PDE11A: variants seen among roughly 807,000 people sequenced by gnomAD.
PDE11A encodes phosphodiesterase 11A.
Under a neutral mutation model 100.5 loss-of-function variants are expected in PDE11A, and 100 were observed. The observed-to-expected ratio is 1.00, with a 90% CI of 0.85 to 1.18. PDE11A has a LOEUF of 1.18. Ranked by LOEUF, PDE11A falls within the 50% of genes most tolerant of loss-of-function variation. The probability of loss-of-function intolerance (pLI) is 0.00; values close to 1 mark genes in which losing one functional copy is unlikely to be tolerated. For synonymous variants in PDE11A, 381 were observed against 420.8 expected (o/e 0.91, Z 1.16); for missense variants, 1,141 against 1,152.6 (o/e 0.99, Z 0.15).
intron 2 of PDE11A, among the ~76,000 whole-genome samples, chr2:178,085,163 C>G (rs1407582045): frequency 6.6e-6 from 1 of 152,108 alleles, no homozygotes; most frequent in Non-Finnish European, 1.5e-5. Flanking sequence ...TATAGCAAGT[C>G]AACATACAGA....
chr2:177,875,337 T>G (rs1379667126), intron 5 of PDE11A, among the ~76,000 whole-genome samples: 7 of 152,126 alleles, frequency 4.6e-5, no homozygotes, highest in Non-Finnish European at 1.5e-5. Context: ...AAAAACTGAT[T>G]GCAAGCTAGA....
chr2:177,992,389 A>G (rs1049452848), intron 2 of PDE11A, among the ~76,000 whole-genome samples: 1 of 145,290 alleles, frequency 6.9e-6, no homozygotes, highest in Non-Finnish European at 1.5e-5. Flanking sequence ...TTTAACTGTC[A>G]AAACGCCTGC....
intron 9 of PDE11A, among the ~76,000 whole-genome samples, chr2:177,789,620 G>A (rs547198530): frequency 7.9e-5 from 12 of 152,118 alleles, no homozygotes; most frequent in African/African-American, 2.9e-4. Context: ...CAGATGACAT[G>A]ATTGTATATC....
chr2:177,998,106 G>A, intron 2 of PDE11A: 1 of 1,296,874 alleles, frequency 7.7e-7, no homozygotes, highest in Non-Finnish European at 1.1e-6. Flanking sequence ...TCTGTTCTAG[G>A]TCGGCCTGTT....
intron 5 of PDE11A, among the ~76,000 whole-genome samples, chr2:177,872,324 A>G: frequency 6.6e-6 from 1 of 152,228 alleles, no homozygotes; most frequent in South Asian, 2.1e-4. Flanking sequence ...CTATCATGAC[A>G]TAGTGAGAAT....
chr2:178,088,222 G>A (rs1285716889), intron 2 of PDE11A, among the ~76,000 whole-genome samples: 1 of 152,120 alleles, frequency 6.6e-6, no homozygotes, highest in Non-Finnish European at 1.5e-5. Context: ...TGATCACAAA[G>A]TGAAAAATGC....
At chr2:177,708,650 T>A (rs536910245) in intron 13 of PDE11A, among the ~76,000 whole-genome samples, 1 of 152,158 alleles carries the variant, frequency 6.6e-6, no homozygotes, top group Admixed American at 6.5e-5. Flanking sequence ...AAACAAGCAA[T>A]GTTTTATAAT....
chr2:177,656,444 A>G (rs2080385142), intron 19 of PDE11A, among the ~76,000 whole-genome samples: 1 of 152,064 alleles, frequency 6.6e-6, no homozygotes, highest in South Asian at 2.1e-4. Context: ...CGAAATTGTC[A>G]AAGATGCATT....
At chr2:177,977,977 A>G (rs1461155849) in intron 2 of PDE11A, among the ~76,000 whole-genome samples, 3 of 21,552 alleles carry the variant, frequency 1.4e-4, no homozygotes, top group Admixed American at 5.4e-4. Flanking sequence ...AAACCCTAGA[A>G]GAAAACCTAG....
rs375236537 is a variant in PDE11A, at chr2:177,637,086, T to C, written c.2647-7524A>G. Among the ~76,000 whole-genome samples the C allele has an allele frequency of 7.2e-5, 11 of 152,336 alleles. No individual in the cohort carries two copies. In the East Asian group the frequency reaches 9.7e-4, roughly 13 times the overall value. ...AGAAATAAGAGGAGTTTCTATATAT[T>C]GAATGTTCACTGTGCTGGGCTAGGG... On this transcript the variant is annotated intron_variant, in intron 19 of 19. Coordinates refer to ENST00000286063, the MANE Select transcript of PDE11A (RefSeq NM_016953.4).
chr2:177,739,794 T>C (rs1386208013), intron 10 of PDE11A, among the ~76,000 whole-genome samples: 1 of 152,220 alleles, frequency 6.6e-6, no homozygotes, highest in Non-Finnish European at 1.5e-5. Flanking sequence ...GTAAATCCAG[T>C]AAATATTTAT....
chr2:177,922,672 T>C (rs1386960777), intron 2 of PDE11A: 1 of 984,316 alleles, frequency 1.0e-6, no homozygotes, highest in Non-Finnish European at 1.2e-6. Context: ...TAATCATCAC[T>C]TCCCACTCCC....
intron 8 of PDE11A, 89 bp from the exon 9 acceptor site, chr2:177,817,010 T>C: frequency 1.3e-6 from 1 of 780,458 alleles, no homozygotes; most frequent in Non-Finnish European, 2.3e-6. Context: ...GGGATGGGTC[T>C]GAAAATACAA....
At chr2:177,875,666 C>T (rs11899873) in intron 5 of PDE11A, among the ~76,000 whole-genome samples, 193 bp downstream of exon 5, 20,510 of 152,058 alleles carry the variant, frequency 0.13, 1,496 homozygotes, top group Middle Eastern at 0.27. Flanking sequence ...CAGGCTGAGC[C>T]ACCGCGCCTG....
intron 1 of PDE11A, among the ~76,000 whole-genome samples, chr2:178,038,119 T>C (rs1490546772): frequency 6.6e-6 from 1 of 152,122 alleles, no homozygotes; most frequent in Non-Finnish European, 1.5e-5. Context: ...AAAGCAGATA[T>C]ATTGAGATAT....
chr2:177,910,308 A>G (rs1437158185), intron 2 of PDE11A, among the ~76,000 whole-genome samples: 1 of 152,224 alleles, frequency 6.6e-6, no homozygotes, highest in African/African-American at 2.4e-5. Context: ...ATTTTTGAAA[A>G]GAGGCAGTAA....
At chr2:177,996,407 T>C (rs2086075462) in intron 2 of PDE11A, among the ~76,000 whole-genome samples, 1 of 151,344 alleles carries the variant, frequency 6.6e-6, no homozygotes, top group African/African-American at 2.4e-5. Flanking sequence ...AGACTACCCA[T>C]TCCTGGAATT....
In PDE11A at chr2:177,986,927, T is replaced by A. The variant is rs144330268; in HGVS notation, c.1071+27375A>T. 1.9e-3 allele frequency among the ~76,000 whole-genome samples: 296 copies of A among 152,194 alleles called. 2 individuals are homozygous for A. Among genetic ancestry groups the A allele is most frequent in the Middle Eastern group, 3.4e-3 (1 of 292 alleles). Reference sequence around the variant, plus strand: ...TGCATGTAGAGTGCTTAGAATGGTGTTCAGCCATACATAAAAGCTACCATA... The same window carrying A: ...TGCATGTAGAGTGCTTAGAATGGTGATCAGCCATACATAAAAGCTACCATA... On this transcript the variant is annotated intron_variant, in intron 2 of 19. Transcript: ENST00000286063.
intron 2 of PDE11A, among the ~76,000 whole-genome samples, chr2:177,965,505 A>G (rs1157389302): frequency 6.6e-6 from 1 of 152,118 alleles, no homozygotes; most frequent in African/African-American, 2.4e-5. Flanking sequence ...TTTACATTTA[A>G]CTTTTTAATC....
Sources: gnomAD v4.1 joint callset for allele counts (sites outside exome capture counted in the v4.1 genomes callset) on GRCh38, gnomAD v4.1.1 for gene constraint, MANE v1.5 for transcripts, NCBI Gene and HGNC (gene_info 2026-07-23, HGNC 2026-07-21) for gene names.